Variants in FHIP1A observed in about 807,000 individuals in gnomAD.
The protein encoded by FHIP1A is FHF complex subunit HOOK interacting protein 1A.
In FHIP1A, 61 loss-of-function variants were observed where a neutral mutation model predicts 88.6. The observed-to-expected ratio is 0.69, with a 90% CI of 0.56 to 0.85. The LOEUF is 0.85. FHIP1A is among the 40% of genes least tolerant of loss of function. FHIP1A has a pLI of 0.00. For synonymous variants in FHIP1A, 478 were observed against 496.0 expected, an observed-to-expected ratio of 0.96 and a Z score of 0.48; for missense variants, 1,154 against 1,273.5, an observed-to-expected ratio of 0.91 and a Z score of 1.43.
chr4:151,466,188 T>C (rs1441850895), intron 2 of FHIP1A, among the ~76,000 whole-genome samples: 4 of 151,866 alleles, frequency 2.6e-5, no homozygotes, highest in African/African-American at 4.8e-5. Flanking sequence ...ACACCAACAA[T>C]AGACAAGCAG....
intron 7 of FHIP1A, among the ~76,000 whole-genome samples, chr4:151,595,309 G>A (rs932201732): frequency 6.6e-6 from 1 of 152,168 alleles, no homozygotes; most frequent in African/African-American, 2.4e-5. Flanking sequence ...GGAGCAGGTT[G>A]TTCAGTTTCC....
At chr4:151,548,795 G>A (rs1463631203) in intron 3 of FHIP1A, among the ~76,000 whole-genome samples, 3 of 152,162 alleles carry the variant, frequency 2.0e-5, no homozygotes, top group African/African-American at 4.8e-5. Context: ...GGTGGCACAC[G>A]CCTGTAATCC....
chr4:151,452,951 T>TATAC (rs1266623899), intron 1 of FHIP1A, among the ~76,000 whole-genome samples: 19 of 119,410 alleles, frequency 1.6e-4, no homozygotes, highest in Non-Finnish European at 2.4e-4. Context: ...TATATATATA[T>TATAC]ACATACACAC....
chr4:151,579,624 A>G (rs1414163416), intron 5 of FHIP1A, among the ~76,000 whole-genome samples: 1 of 152,164 alleles, frequency 6.6e-6, no homozygotes, highest in East Asian at 1.9e-4. Flanking sequence ...TAATCATAAG[A>G]TATCTTAAAA....
chr4:151,604,744 G>C (rs917614329), intron 7 of FHIP1A, among the ~76,000 whole-genome samples: 4 of 151,828 alleles, frequency 2.6e-5, no homozygotes, highest in African/African-American at 9.7e-5. Flanking sequence ...AGCTACTCAG[G>C]AGGCTGCAGC....
chr4:151,542,504 A>G (rs571668563), intron 3 of FHIP1A, among the ~76,000 whole-genome samples: 2 of 152,240 alleles, frequency 1.3e-5, no homozygotes, highest in South Asian at 4.1e-4. Context: ...CTTTACCTGC[A>G]GTATTCTCTC....
At position 151,668,094 on chromosome 4, in the gene FHIP1A, T is replaced by G. The variant is rs1737729183; in HGVS notation, c.*5340T>G. 6.6e-6 allele frequency among the ~76,000 whole-genome samples: 1 copy of G among 152,186 alleles called. No individual in the cohort carries two copies. The highest frequency in any genetic ancestry group is 2.4e-5 in the African/African-American group (1 of 41,444). On this transcript the variant is annotated 3_prime_UTR_variant, in exon 14 of 14. Transcript: ENST00000435205. ...CTTACACGACTCTTGCTAAGCTATT[T>G]GACTAAGGGTTTCAATCAGATGCTT...
At chr4:151,539,397 C>A (rs1406540278) in intron 3 of FHIP1A, among the ~76,000 whole-genome samples, 1 of 151,534 alleles carries the variant, frequency 6.6e-6, no homozygotes, top group South Asian at 2.1e-4. Flanking sequence ...GCCTGGCCAA[C>A]GTGGTGAAAA....
intron 5 of FHIP1A, among the ~76,000 whole-genome samples, chr4:151,578,460 G>T (rs569512458): frequency 6.6e-6 from 1 of 152,270 alleles, no homozygotes; most frequent in East Asian, 1.9e-4. Context: ...GACCTCCACT[G>T]CTAGTTTCAC....
At chr4:151,485,690 C>T (rs1349593231) in intron 3 of FHIP1A, among the ~76,000 whole-genome samples, 1 of 151,800 alleles carries the variant, frequency 6.6e-6, no homozygotes, top group African/African-American at 2.4e-5. Context: ...CTCCCGGGCT[C>T]AAACAATCCT....
intron 1 of FHIP1A, among the ~76,000 whole-genome samples, chr4:151,432,232 G>C (rs946908990): frequency 6.6e-6 from 1 of 152,158 alleles, no homozygotes; most frequent in Admixed American, 6.5e-5. Context: ...AACTCACAGA[G>C]CTTTTAAAAT....
At chr4:151,648,943 T>G (rs1430140746) in intron 10 of FHIP1A, among the ~76,000 whole-genome samples, 1 of 152,140 alleles carries the variant, frequency 6.6e-6, no homozygotes, top group East Asian at 1.9e-4. Flanking sequence ...AGAGACCATT[T>G]GATAATATCA....
At chr4:151,522,311 C>G (rs1166572414) in intron 3 of FHIP1A, among the ~76,000 whole-genome samples, 2 of 152,178 alleles carry the variant, frequency 1.3e-5, no homozygotes, top group Non-Finnish European at 2.9e-5. Flanking sequence ...CTGGATTCAG[C>G]TCGTGAAATA....
intron 3 of FHIP1A, among the ~76,000 whole-genome samples, chr4:151,541,897 T>A (rs1732307665): frequency 3.3e-5 from 5 of 152,336 alleles, no homozygotes; most frequent in Admixed American, 2.0e-4. Context: ...TTTTCGGTCA[T>A]CAAGCATTGC....
At chr4:151,580,195 G>A (rs544561181) in intron 5 of FHIP1A, among the ~76,000 whole-genome samples, 9 of 152,164 alleles carry the variant, frequency 5.9e-5, no homozygotes, top group Non-Finnish European at 8.8e-5. Flanking sequence ...TCTTCCCCAT[G>A]ACATTGACTT....
At chr4:151,411,909 G>T (rs1198642751) in intron 1 of FHIP1A, among the ~76,000 whole-genome samples, 1 of 152,162 alleles carries the variant, frequency 6.6e-6, no homozygotes, top group African/African-American at 2.4e-5. Flanking sequence ...GTGCTCAAGA[G>T]TGACAAGAAA....
chr4:151,594,060 G>T (rs2126817058), intron 7 of FHIP1A, among the ~76,000 whole-genome samples: 1 of 152,212 alleles, frequency 6.6e-6, no homozygotes, highest in East Asian at 1.9e-4. Flanking sequence ...CGATGGATTA[G>T]GTTTATTGAT....
intron 3 of FHIP1A, among the ~76,000 whole-genome samples, chr4:151,551,368 A>G (rs577773984): frequency 6.6e-6 from 1 of 152,226 alleles, no homozygotes; most frequent in Non-Finnish European, 1.5e-5. Flanking sequence ...AAGAGCCTGC[A>G]TTGCCAAGAC....
chr4:151,653,875 G>A (rs964782570), intron 11 of FHIP1A, among the ~76,000 whole-genome samples: 7 of 152,142 alleles, frequency 4.6e-5, no homozygotes, highest in African/African-American at 1.4e-4. Context: ...GATGACAGGA[G>A]GGGCAGTGGA....
Sources: gnomAD v4.1 joint callset for allele counts (sites outside exome capture counted in the v4.1 genomes callset) on GRCh38, gnomAD v4.1.1 for gene constraint, MANE v1.5 for transcripts, NCBI Gene and HGNC (gene_info 2026-07-23, HGNC 2026-07-21) for gene names.